The following CFAP65 variants were observed in gnomAD, a reference collection of about 807,000 sequenced individuals.
CFAP65 encodes cilia- and flagella-associated protein 65.
In CFAP65, 155 loss-of-function variants were observed where a neutral mutation model predicts 208.0. That is an observed-to-expected ratio of 0.75 (90% confidence interval 0.65 to 0.85). CFAP65 has a LOEUF of 0.85. CFAP65 is among the 40% of genes least tolerant of loss of function. The pLI, the probability that CFAP65 is intolerant of heterozygous loss-of-function variation, is 0.00. For synonymous variants in CFAP65, 970 were observed against 986.3 expected (o/e 0.98, Z 0.31); for missense variants, 2,294 against 2,451.3 (o/e 0.94, Z 1.36).
At position 219,032,617 on chromosome 2, in the gene CFAP65, A is replaced by T; in HGVS notation, c.543-45T>A. On this transcript the variant is annotated intron_variant, in intron 5 of 34. Coordinates refer to ENST00000341552, the MANE Select transcript of CFAP65 (RefSeq NM_194302.4). This position sits in a 1 kb window ranked among gnomAD's most constrained non-coding sequence, Gnocchi z 5.5. ...GGGAGCACCTCAGATCAGGGCTCAGAACAACTGGAAGAGGCAGGAAACGAG... is the reference window on the plus strand; with the variant it reads ...GGGAGCACCTCAGATCAGGGCTCAGTACAACTGGAAGAGGCAGGAAACGAG... 1 of 1,516,300 alleles carries T rather than the reference A, an allele frequency of 6.6e-7. No homozygotes were observed. Among genetic ancestry groups the T allele is most frequent in the Non-Finnish European group, 9.0e-7 (1 of 1,114,196 alleles). 93.9% of individuals were successfully genotyped at this position (1,516,300 alleles called of 1,614,324 possible).
At chr2:219,007,076 G>A (rs918916646) in intron 29 of CFAP65, among the ~76,000 whole-genome samples, 9 of 152,120 alleles carry the variant, frequency 5.9e-5, no homozygotes, top group Non-Finnish European at 1.2e-4. Context: ...TCAGTGAGAT[G>A]AGAAATCAGT....
intron 14 of CFAP65, 126 bp downstream of exon 14, chr2:219,025,896 G>C (rs1012214803): frequency 6.6e-6 from 8 of 1,210,790 alleles, no homozygotes; most frequent in Admixed American, 2.1e-5. Context: ...GCGGACGTGG[G>C]GACAGCCAGG....
Position 219,028,327 on chromosome 2 carries a change from G to A in CFAP65, c.1725C>T (p.His575=), listed in dbSNP as rs970308710. ...STKPAILKPQ[H]LTWYRTHLAR... ...CCAGGTGTGTGCGGTACCAGGTGAG[G>A]TGCTGAGGCTTCAGGATGGCTGGCT... is the stretch of plus-strand genomic sequence containing the variant. The change falls in exon 12 of 35, where the codon CAC becomes CAT. Residue 575 remains histidine (H), a synonymous_variant. Transcript: ENST00000341552. The A allele has an allele frequency of 1.2e-6, 2 of 1,614,112 alleles. No homozygotes were observed. The highest frequency in any genetic ancestry group is 1.7e-5 in the Admixed American group (1 of 60,030).
At chr2:219,019,987 C>G (rs964917387) in intron 19 of CFAP65, among the ~76,000 whole-genome samples, 8 of 152,182 alleles carry the variant, frequency 5.3e-5, no homozygotes, top group Non-Finnish European at 1.2e-4. Context: ...TTTTTAATAA[C>G]AGCTTTATTG....
Position 219,023,442 on chromosome 2 carries a change from AG to A in CFAP65, c.2596-12del. The stretch of plus-strand genomic sequence containing the variant: ...GTACATGCTCACCTCCTGGAGCCAG[AG>A]GAAGAAGGGCAGTGCCCTGACCTCA... On this transcript the variant is annotated splice_polypyrimidine_tract_variant and intron_variant, in intron 15 of 34. Transcript: ENST00000341552. The A allele has an allele frequency of 6.4e-7, 1 of 1,550,770 alleles. No individual in the cohort carries two copies. Among genetic ancestry groups the A allele is most frequent in the Non-Finnish European group, 8.7e-7 (1 of 1,144,130 alleles).
chr2:219,007,544 G>A (rs1423253117), intron 29 of CFAP65, among the ~76,000 whole-genome samples: 1 of 152,166 alleles, frequency 6.6e-6, no homozygotes, highest in Non-Finnish European at 1.5e-5. Context: ...GTCTCTGGGG[G>A]TTCAGTGTGG....
intron 31 of CFAP65, 77 bp downstream of exon 31, chr2:219,005,944 C>A: frequency 6.9e-7 from 1 of 1,451,802 alleles, no homozygotes; most frequent in South Asian, 1.2e-5. Context: ...TGGGTTGGGT[C>A]TGGGCAGCCC....
rs73090877 is a variant in CFAP65, at chr2:219,027,541, G to A, written c.2211+109C>T. The A allele has an allele frequency of 5.9e-4, 947 of 1,612,508 alleles. 7 individuals are homozygous for A. The African/African-American group carries it at 0.01, about 17-fold the overall frequency. On this transcript the variant is annotated intron_variant, in intron 13 of 34. Transcript: ENST00000341552. Reference sequence around the variant, plus strand: ...GTCCAGCCAAGAGAAAGCCTGGCACGCAGAGGATGGAGCCTGAAGCTGCCC... The same window carrying A: ...GTCCAGCCAAGAGAAAGCCTGGCACACAGAGGATGGAGCCTGAAGCTGCCC...
intron 9 of CFAP65, 34 bp downstream of exon 9, chr2:219,030,655 G>A (rs73072407): frequency 8.9e-5 from 143 of 1,602,618 alleles, no homozygotes; most frequent in African/African-American, 1.9e-4. Flanking sequence ...TCCTGGGGGC[G>A]TGAGTCCTGC....
At chr2:219,022,140 A>C in intron 17 of CFAP65, 31 bp downstream of exon 17, 1 of 1,536,968 alleles carries the variant, frequency 6.5e-7, no homozygotes, top group Non-Finnish European at 8.8e-7. Context: ...CCTCTCCCCC[A>C]GCCCCCTCCT....
At chr2:219,016,282 C>G (rs985100667) in intron 21 of CFAP65, among the ~76,000 whole-genome samples, 2 of 146,406 alleles carry the variant, frequency 1.4e-5, no homozygotes, top group Non-Finnish European at 3.0e-5. Context: ...CTGGTCCAGT[C>G]TCCCTCCTTT....
intron 14 of CFAP65, among the ~76,000 whole-genome samples, chr2:219,024,654 G>A (rs187067418): frequency 1.3e-5 from 2 of 152,278 alleles, no homozygotes; most frequent in East Asian, 3.9e-4. Flanking sequence ...TAACCACTTC[G>A]GGCTGGGTGT....
Position 219,004,935 on chromosome 2 carries a change from T to TTTTC in CFAP65, c.5052-484_5052-481dup, listed in dbSNP as rs61214924. On this transcript the variant is annotated intron_variant, in intron 32 of 34. Coordinates refer to ENST00000341552, the MANE Select transcript of CFAP65 (RefSeq NM_194302.4). This position sits in a 1 kb window ranked among gnomAD's most constrained non-coding sequence, Gnocchi z 4.7. ...TCTTTCTCTCTCTTTCTCTCCTCTT[T>TTTTC]TTTCTTTCTTTCTTTCTTTCTTTCT... Among the ~76,000 whole-genome samples the TTTTC allele has an allele frequency of 0.027, 4,042 of 149,102 alleles. 149 individuals carry two copies. The highest frequency in any genetic ancestry group is 0.083 in the African/African-American group (3,242 of 39,114).
intron 13 of CFAP65, chr2:219,027,316 C>T: frequency 1.4e-6 from 2 of 1,434,646 alleles, no homozygotes; most frequent in Non-Finnish European, 9.1e-7. Context: ...CTTCTTAATT[C>T]AAGGACTAGT....
intron 17 of CFAP65, 111 bp downstream of exon 17, chr2:219,022,060 T>C: frequency 6.7e-7 from 1 of 1,495,376 alleles, no homozygotes; most frequent in Non-Finnish European, 9.0e-7. Context: ...AGGGCTCCTA[T>C]CCTCTGCCCT....
intron 19 of CFAP65, among the ~76,000 whole-genome samples, chr2:219,019,966 T>A (rs1947170662): frequency 6.6e-6 from 1 of 152,218 alleles, no homozygotes; most frequent in Admixed American, 6.5e-5. Flanking sequence ...CGTGATTTGG[T>A]TTCAAACTAA....
At chr2:219,023,877 C>A (rs1947437058) in intron 15 of CFAP65, 138 bp downstream of exon 15, 1 of 1,081,560 alleles carries the variant, frequency 9.2e-7, no homozygotes, top group East Asian at 2.4e-5. Context: ...CAGGTTCTTT[C>A]CCTACTATGC....
At chr2:219,029,277 G>A (rs1947856729) in intron 11 of CFAP65, 126 bp downstream of exon 11, 1 of 1,259,600 alleles carries the variant, frequency 7.9e-7, no homozygotes. Flanking sequence ...CCAGGAGTGG[G>A]AGACCACCAG....
chr2:219,022,236 T>G lies in CFAP65; in HGVS notation c.2914A>C (p.Asn972His). 1 of 1,606,870 alleles carries G rather than the reference T, an allele frequency of 6.2e-7. No homozygotes were observed. Among genetic ancestry groups the G allele is most frequent in the Non-Finnish European group, 8.5e-7 (1 of 1,176,990 alleles). The change falls in exon 17 of 35, where the codon AAC (asparagine) becomes CAC (histidine). Residue 972 changes from asparagine (N) to histidine (H), a missense_variant. Asn to His is a moderately conservative substitution (Grantham distance 68). Transcript: ENST00000341552. ...VWEAGLSPNA[N>H]PAATTHYMLR... Reference sequence around the variant, plus strand: ...ATGTAGTGGGTGGTGGCAGCGGGGTTGGCATTTGGGGACAGGCCGGCTTCC... The same window carrying G: ...ATGTAGTGGGTGGTGGCAGCGGGGTGGGCATTTGGGGACAGGCCGGCTTCC...
Sources: gnomAD v4.1 joint callset for allele counts (sites outside exome capture counted in the v4.1 genomes callset) on GRCh38, gnomAD v4.1.1 for gene constraint, Gnocchi (gnomAD v3.1) non-coding constraint, MANE v1.5 for transcripts, NCBI Gene and HGNC (gene_info 2026-07-23, HGNC 2026-07-21) for gene names.